MCC: variants seen among roughly 807,000 people sequenced by gnomAD.
MCC encodes MCC regulator of Wnt signaling pathway.
A neutral mutation model predicts 116.2 loss-of-function variants in MCC; 90 were observed. That is an observed-to-expected ratio of 0.77 (90% CI 0.65 to 0.92). MCC has a LOEUF of 0.92. Ranked by LOEUF, MCC falls within the 40% of genes least tolerant of loss-of-function variation. The probability of loss-of-function intolerance (pLI) is 0.00; values close to 1 mark genes in which losing one functional copy is unlikely to be tolerated. For synonymous variants in MCC, 578 were observed against 510.5 expected, an observed-to-expected ratio of 1.13 and a Z score of -1.78; for missense variants, 1,516 against 1,312.2, an observed-to-expected ratio of 1.16 and a Z score of -2.40.
At chr5:113,163,131 T>C (rs1332032882) in intron 3 of MCC, among the ~76,000 whole-genome samples, 3 of 151,998 alleles carry the variant, frequency 2.0e-5, no homozygotes, top group African/African-American at 7.3e-5. Context: ...GCCTCATGGG[T>C]CCTCATATCA....
chr5:113,175,375 T>C (rs1761281230), intron 3 of MCC, among the ~76,000 whole-genome samples: 2 of 152,348 alleles, frequency 1.3e-5, no homozygotes, highest in South Asian at 4.1e-4. Context: ...GTATTTATTC[T>C]GCTTATCTTA....
intron 15 of MCC, among the ~76,000 whole-genome samples, chr5:113,053,358 C>T (rs776792599): frequency 1.3e-5 from 2 of 152,260 alleles, no homozygotes; most frequent in African/African-American, 2.4e-5. Flanking sequence ...CTCCCCCTGC[C>T]GGAGTTAACA....
intron 1 of MCC, chr5:113,433,319 C>A: frequency 3.2e-6 from 1 of 311,502 alleles, no homozygotes; most frequent in South Asian, 3.0e-5. Context: ...CTGGCCCGGT[C>A]TGGCCTCCCA....
chr5:113,033,608 A>T (rs899847127), intron 17 of MCC, among the ~76,000 whole-genome samples: 1 of 152,218 alleles, frequency 6.6e-6, no homozygotes, highest in African/African-American at 2.4e-5. Context: ...GCAAAAATTC[A>T]ACACTACACG....
At chr5:113,415,251 T>C (rs1319266183) in intron 1 of MCC, among the ~76,000 whole-genome samples, 2 of 152,150 alleles carry the variant, frequency 1.3e-5, no homozygotes, top group Non-Finnish European at 2.9e-5. Flanking sequence ...TGTCTTGGGG[T>C]TGCTTTTCTC....
chr5:113,455,871 AAAG>A (rs1442442620), intron 1 of MCC, among the ~76,000 whole-genome samples: 4 of 152,234 alleles, frequency 2.6e-5, no homozygotes, highest in African/African-American at 9.6e-5. Context: ...AATTGCAGAT[AAAG>A]AAGAACGGAC....
At chr5:113,465,002 ACAT>A (rs1423073520) in intron 1 of MCC, among the ~76,000 whole-genome samples, 1 of 152,194 alleles carries the variant, frequency 6.6e-6, no homozygotes, top group Non-Finnish European at 1.5e-5. Context: ...AATTCTCTTT[ACAT>A]CAATTTAGAA....
Position 113,082,916 on chromosome 5 carries a change from A to G in MCC, c.1728T>C (p.Ser576=). 6.2e-7 allele frequency: 1 copy of G among 1,614,224 alleles called. No homozygotes were observed. Residue 576 remains serine (S), a synonymous_variant, in exon 11 of 19, where the codon TCT becomes TCC. Transcript: ENST00000408903. ...EIFQTLYSHG[S]AISESKIREF... The stretch of plus-strand genomic sequence containing the variant: ...CTCTAATCTTGCTTTCTGAGATGGC[A>G]GATCCGTGTGAGTAGAGTGTTTGGA...
intron 1 of MCC, among the ~76,000 whole-genome samples, chr5:113,451,087 T>C (rs1771379004): frequency 6.6e-6 from 1 of 152,114 alleles, no homozygotes; most frequent in Non-Finnish European, 1.5e-5. Context: ...TGTAACTCAG[T>C]TTGGTCTCTG....
intron 6 of MCC, among the ~76,000 whole-genome samples, chr5:113,112,097 T>C (rs925828239): frequency 6.6e-6 from 1 of 151,776 alleles, no homozygotes; most frequent in African/African-American, 2.4e-5. Context: ...AGTCCCCTCT[T>C]TACCAGAATG....
intron 17 of MCC, among the ~76,000 whole-genome samples, chr5:113,038,732 A>G (rs541014400): frequency 1.3e-5 from 2 of 152,114 alleles, no homozygotes; most frequent in African/African-American, 2.4e-5. Flanking sequence ...GCCACTGGAT[A>G]TATCCTTACA....
chr5:113,428,935 C>T (rs1770551265), intron 1 of MCC, among the ~76,000 whole-genome samples: 1 of 152,154 alleles, frequency 6.6e-6, no homozygotes, highest in Non-Finnish European at 1.5e-5. Flanking sequence ...TTTACTTATC[C>T]AGCCGAATTG....
chr5:113,082,973 T>C lies in MCC; in HGVS notation c.1671A>G (p.Ser557=). Residue 557 remains serine, a synonymous_variant, in exon 11 of 19, where the codon TCA becomes TCG. Coordinates refer to ENST00000408903, the MANE Select transcript of MCC (RefSeq NM_001085377.2). ...CTTGGATATTGGAGCAGTCCTGAAG[T>C]GAGTGGGCCAGGTGTTCAGCCACAC... ...SSSVAEHLAH[S]LQDCSNIQEI... 1.2e-6 allele frequency: 2 copies of C among 1,613,556 alleles called. No individual in the cohort carries two copies. The highest frequency in any genetic ancestry group is 1.7e-6 in the Non-Finnish European group (2 of 1,179,772).
At chr5:113,115,266 G>A (rs1410952458) in intron 6 of MCC, among the ~76,000 whole-genome samples, 2 of 152,180 alleles carry the variant, frequency 1.3e-5, no homozygotes, top group Admixed American at 6.5e-5. Context: ...GCCTGAGAAG[G>A]GGTCAAGAAA....
intron 17 of MCC, among the ~76,000 whole-genome samples, chr5:113,035,552 T>C (rs1429017946): frequency 2.0e-5 from 3 of 152,352 alleles, no homozygotes; most frequent in Non-Finnish European, 2.9e-5. Flanking sequence ...CTGCTTGACC[T>C]GAGTGCTACT....
At chr5:113,130,990 A>G (rs936568943) in intron 5 of MCC, among the ~76,000 whole-genome samples, 9 of 152,148 alleles carry the variant, frequency 5.9e-5, no homozygotes, top group African/African-American at 1.9e-4. Context: ...TACCATCACA[A>G]TAGGGGCTAG....
At chr5:113,073,466 A>G (rs1754187345) in intron 11 of MCC, among the ~76,000 whole-genome samples, 1 of 152,190 alleles carries the variant, frequency 6.6e-6, no homozygotes, top group Admixed American at 6.5e-5. Flanking sequence ...TTCTAATTAC[A>G]CTTCGAATAA....
chr5:113,199,086 T>C (rs936850674), intron 3 of MCC, among the ~76,000 whole-genome samples: 2 of 152,124 alleles, frequency 1.3e-5, no homozygotes, highest in Non-Finnish European at 2.9e-5. Flanking sequence ...GAGAATTGCT[T>C]GAACCTGGGA....
intron 3 of MCC, among the ~76,000 whole-genome samples, chr5:113,275,086 C>G (rs900123059): frequency 6.6e-6 from 1 of 152,116 alleles, no homozygotes; most frequent in African/African-American, 2.4e-5. Flanking sequence ...AACCTAAGAC[C>G]ATCCTAGCAA....
Sources: allele counts gnomAD v4.1 joint callset (sites outside exome capture counted in the v4.1 genomes callset), GRCh38; gene constraint gnomAD v4.1.1; transcripts MANE v1.5; gene names NCBI Gene and HGNC (gene_info 2026-07-23, HGNC 2026-07-21).